SUGCT: variants seen among roughly 807,000 people sequenced by gnomAD.
SUGCT encodes succinyl-CoA:glutarate-CoA transferase.
In SUGCT, 41 loss-of-function variants were observed where a neutral mutation model predicts 55.0. The observed-to-expected ratio is 0.74, with a 90% CI of 0.58 to 0.97. SUGCT has a LOEUF of 0.97. SUGCT is among the 50% of genes least tolerant of loss of function. The probability of loss-of-function intolerance (pLI) is 0.00; values close to 1 mark genes in which losing one functional copy is unlikely to be tolerated. For missense variants in SUGCT, 568 were observed against 547.8 expected, an observed-to-expected ratio of 1.04 and a Z score of -0.37; for synonymous variants, 187 against 200.4, an observed-to-expected ratio of 0.93 and a Z score of 0.56.
intron 12 of SUGCT, among the ~76,000 whole-genome samples, chr7:40,715,817 C>T (rs1396558293): frequency 1.3e-5 from 2 of 152,198 alleles, no homozygotes; most frequent in Non-Finnish European, 2.9e-5. Flanking sequence ...CCAAGTGATT[C>T]TTCACATACC....
At chr7:40,228,167 G>GC (rs1160699192) in intron 6 of SUGCT, among the ~76,000 whole-genome samples, 1 of 152,142 alleles carries the variant, frequency 6.6e-6, no homozygotes, top group African/African-American at 2.4e-5. Context: ...ACAGGTGTGA[G>GC]CCACTGCACC....
chr7:40,229,398 A>T (rs1307022971), intron 6 of SUGCT, among the ~76,000 whole-genome samples: 3 of 151,896 alleles, frequency 2.0e-5, no homozygotes, highest in African/African-American at 2.4e-5. Flanking sequence ...ATGCGCCTAT[A>T]GTCCCAGCTA....
chr7:40,832,651 G>T (rs1792747415), intron 13 of SUGCT, among the ~76,000 whole-genome samples: 1 of 149,676 alleles, frequency 6.7e-6, no homozygotes, highest in Non-Finnish European at 1.5e-5. Context: ...TATTGCTTCA[G>T]GCCTTCTTTG....
chr7:40,321,260 A>T (rs188379267), intron 9 of SUGCT, among the ~76,000 whole-genome samples: 1 of 152,074 alleles, frequency 6.6e-6, no homozygotes, highest in Non-Finnish European at 1.5e-5. Flanking sequence ...TACTTTTAGT[A>T]GAGACAGGGT....
chr7:40,522,800 G>T (rs1793608388), intron 12 of SUGCT, among the ~76,000 whole-genome samples: 1 of 152,058 alleles, frequency 6.6e-6, no homozygotes, highest in African/African-American at 2.4e-5. Context: ...TTTGTCCCAT[G>T]TGCATATTGA....
chr7:40,835,876 ATTTTCTTTT>A (rs1380756535), intron 13 of SUGCT, among the ~76,000 whole-genome samples: 1 of 144,858 alleles, frequency 6.9e-6, no homozygotes, highest in East Asian at 2.0e-4. Flanking sequence ...AGTATCTTCC[ATTTTCTTTT>A]TTTTCTTTTT....
At chr7:40,567,088 T>C (rs965861795) in intron 12 of SUGCT, among the ~76,000 whole-genome samples, 5 of 152,244 alleles carry the variant, frequency 3.3e-5, no homozygotes, top group African/African-American at 7.2e-5. Flanking sequence ...TGAGATTAAC[T>C]TGAACGCAGA....
the SUGCT span, among the ~76,000 whole-genome samples, chr7:40,961,196 A>G: frequency 3.0e-4 from 46 of 152,330 alleles, no homozygotes; most frequent in South Asian, 2.5e-3. Context: ...TTCAAACTGG[A>G]TTAATGTTTA....
the SUGCT span, among the ~76,000 whole-genome samples, chr7:40,986,060 T>C: frequency 6.6e-6 from 1 of 152,220 alleles, no homozygotes; most frequent in Non-Finnish European, 1.5e-5. Flanking sequence ...TTTTGAGGCA[T>C]AAATTTTACA....
intron 1 of SUGCT, among the ~76,000 whole-genome samples, chr7:40,156,320 C>A (rs1032810191): frequency 6.6e-6 from 1 of 151,864 alleles, no homozygotes. Context: ...AAAATTAGCC[C>A]GGCGTGGTGA....
At chr7:40,768,670 C>T (rs1297699941) in intron 13 of SUGCT, among the ~76,000 whole-genome samples, 1 of 152,224 alleles carries the variant, frequency 6.6e-6, no homozygotes, top group Non-Finnish European at 1.5e-5. Context: ...GCCCTATAGG[C>T]CGTTCATTTT....
At chr7:40,159,978 G>T (rs935636195) in intron 1 of SUGCT, among the ~76,000 whole-genome samples, 1 of 152,190 alleles carries the variant, frequency 6.6e-6, no homozygotes, top group South Asian at 2.1e-4. Flanking sequence ...GCTGGAGAAA[G>T]AAGCATGCTT....
intron 7 of SUGCT, among the ~76,000 whole-genome samples, chr7:40,257,982 G>T (rs1477481323): frequency 6.6e-6 from 1 of 152,188 alleles, no homozygotes; most frequent in African/African-American, 2.4e-5. Context: ...CTTGTTCCTG[G>T]CTTCTCCACT....
At chr7:40,645,819 G>A (rs1038157449) in intron 12 of SUGCT, among the ~76,000 whole-genome samples, 1 of 152,138 alleles carries the variant, frequency 6.6e-6, no homozygotes, top group Non-Finnish European at 1.5e-5. Context: ...TCAAGCTGGG[G>A]TTCAGGCTCA....
chr7:40,489,760 T>C (rs1791582269), intron 11 of SUGCT, among the ~76,000 whole-genome samples: 1 of 152,094 alleles, frequency 6.6e-6, no homozygotes, highest in Admixed American at 6.6e-5. Flanking sequence ...ACTGCTATTT[T>C]GAATACTTTG....
intron 8 of SUGCT, among the ~76,000 whole-genome samples, chr7:40,304,750 A>T (rs1794755681): frequency 1.2e-5 from 1 of 80,586 alleles, no homozygotes; most frequent in Non-Finnish European, 2.3e-5. Flanking sequence ...TAATAATAAT[A>T]ATAATAATAA....
intron 12 of SUGCT, among the ~76,000 whole-genome samples, chr7:40,588,910 A>G (rs1266930621): frequency 6.6e-6 from 1 of 152,156 alleles, no homozygotes; most frequent in African/African-American, 2.4e-5. Context: ...ATCTGGAGTA[A>G]TATGCATACA....
intron 13 of SUGCT, among the ~76,000 whole-genome samples, chr7:40,854,252 T>G (rs1794004004): frequency 6.6e-6 from 1 of 152,202 alleles, no homozygotes; most frequent in Non-Finnish European, 1.5e-5. Context: ...AATTAAGGCT[T>G]TTTGTCTTCT....
rs536739123 is a variant in SUGCT at position 40,701,769 on chromosome 7, A to G, written c.1090-47665A>G. Among the ~76,000 whole-genome samples, 9 of 152,284 alleles carry G rather than the reference A, an allele frequency of 5.9e-5. No homozygotes were observed. The East Asian group carries it at 1.7e-3, about 29-fold the overall frequency. On this transcript the variant is annotated intron_variant, in intron 12 of 13. Transcript: ENST00000335693. ...ATCCCCAATTGCTAAACTTCACTGG[A>G]AAGCTCTGTGAAGTAGGTACGTGGG...
Sources: gnomAD v4.1 joint callset for allele counts (sites outside exome capture counted in the v4.1 genomes callset) on GRCh38, gnomAD v4.1.1 for gene constraint, MANE v1.5 for transcripts, NCBI Gene and HGNC (gene_info 2026-07-23, HGNC 2026-07-21) for gene names.